ZNF804B: variants seen among roughly 807,000 people sequenced by gnomAD.
ZNF804B encodes the protein zinc finger 804B.
Under a neutral mutation model 101.4 loss-of-function variants are expected in ZNF804B, and 80 were observed. That is an observed-to-expected ratio of 0.79 (90% CI 0.66 to 0.95). The LOEUF (loss-of-function observed/expected upper bound fraction) is 0.95, where lower values mean the gene tolerates loss of function less well. ZNF804B is among the 40% of genes least tolerant of loss of function. The pLI is 0.00. For synonymous variants in ZNF804B, 622 were observed against 558.8 expected (o/e 1.11, Z -1.59); for missense variants, 1,673 against 1,561.9 (o/e 1.07, Z -1.20).
chr7:89,021,131 A>C (rs988921583), intron 1 of ZNF804B, among the ~76,000 whole-genome samples: 3 of 152,154 alleles, frequency 2.0e-5, no homozygotes, highest in African/African-American at 7.2e-5. Context: ...ACTTATTTCT[A>C]TAGATGGTCT....
chr7:88,791,585 C>A (rs574124305), intron 1 of ZNF804B, among the ~76,000 whole-genome samples: 1 of 152,098 alleles, frequency 6.6e-6, no homozygotes, highest in East Asian at 1.9e-4. Context: ...GTATTATAGA[C>A]CCATAAAAAA....
At chr7:88,966,756 A>G (rs574802574) in intron 1 of ZNF804B, among the ~76,000 whole-genome samples, 81 of 151,388 alleles carry the variant, frequency 5.4e-4, no homozygotes, top group African/African-American at 1.9e-3. Flanking sequence ...AGACACACAC[A>G]TACATACACA....
chr7:89,117,073 G>A (rs1243596457), intron 1 of ZNF804B, among the ~76,000 whole-genome samples: 1 of 152,130 alleles, frequency 6.6e-6, no homozygotes, highest in East Asian at 1.9e-4. Flanking sequence ...TTGAAAATTG[G>A]ATGATGTGCC....
At chr7:88,840,411 T>C (rs1722866406) in intron 1 of ZNF804B, among the ~76,000 whole-genome samples, 1 of 152,182 alleles carries the variant, frequency 6.6e-6, no homozygotes, top group Non-Finnish European at 1.5e-5. Flanking sequence ...AGAGTAACAA[T>C]ATCTAGCCTT....
intron 2 of ZNF804B, among the ~76,000 whole-genome samples, chr7:89,264,188 A>C (rs1309539163): frequency 1.3e-5 from 2 of 152,158 alleles, no homozygotes; most frequent in African/African-American, 2.4e-5. Flanking sequence ...CTTTACCAAC[A>C]AACGTCTTTG....
At chr7:89,062,368 A>G (rs1238171930) in intron 1 of ZNF804B, among the ~76,000 whole-genome samples, 4 of 151,000 alleles carry the variant, frequency 2.6e-5, no homozygotes, top group African/African-American at 9.8e-5. Flanking sequence ...CATTTTTACC[A>G]CTCCCAAACC....
chr7:89,093,954 C>T (rs1240394848), intron 1 of ZNF804B, among the ~76,000 whole-genome samples: 1 of 152,132 alleles, frequency 6.6e-6, no homozygotes, highest in Non-Finnish European at 1.5e-5. Flanking sequence ...GGCAGCTTAC[C>T]CTGAGTTCAC....
chr7:88,870,604 C>G (rs1203838335), intron 1 of ZNF804B, among the ~76,000 whole-genome samples: 1 of 151,998 alleles, frequency 6.6e-6, no homozygotes, highest in Non-Finnish European at 1.5e-5. Context: ...ACCTAAGTCA[C>G]TTTCAGAGGT....
chr7:89,106,237 G>A (rs899086062), intron 1 of ZNF804B, among the ~76,000 whole-genome samples: 4 of 152,118 alleles, frequency 2.6e-5, no homozygotes, highest in African/African-American at 9.7e-5. Context: ...AAAGATTTGT[G>A]ATATATCACT....
rs74404937 is a variant in ZNF804B, at chr7:88,932,431, A to C, written c.108+172347A>C. 3.0e-3 allele frequency among the ~76,000 whole-genome samples: 452 copies of C among 152,112 alleles called. 4 individuals carry two copies. The highest frequency in any genetic ancestry group is 0.01 in the African/African-American group (431 of 41,554). On this transcript the variant is annotated intron_variant, in intron 1 of 3. Transcript: ENST00000333190. Reference sequence around the variant, plus strand: ...AAAATAAATGAAATTGAAACAAAAAAAATACAAAAGATAAATGAAACAAAA... The same window carrying C: ...AAAATAAATGAAATTGAAACAAAAACAATACAAAAGATAAATGAAACAAAA...
In ZNF804B at chr7:89,240,565, C is replaced by T. The variant is rs1789352737; in HGVS notation, c.249+22270C>T. ...TTTATGATTTAGAAATGAATTCCCT[C>T]CTTACTTGACCTCTTGCTTGATTTA... is the stretch of plus-strand genomic sequence containing the variant. On this transcript the variant is annotated intron_variant, in intron 2 of 3. Coordinates refer to ENST00000333190, the MANE Select transcript of ZNF804B (RefSeq NM_181646.5). 2.0e-5 allele frequency among the ~76,000 whole-genome samples: 3 copies of T among 152,184 alleles called. No individual in the cohort carries two copies. The South Asian group carries it at 6.2e-4, about 32-fold the overall frequency.
In ZNF804B at chr7:88,793,664, A is replaced by G. The variant is rs142051800; in HGVS notation, c.108+33580A>G. The stretch of plus-strand genomic sequence containing the variant: ...TACTTGTGCTCTCAAAGCCCTTCCT[A>G]TATACTGCTACTATAATGATATATT... On this transcript the variant is annotated intron_variant, in intron 1 of 3. Coordinates refer to ENST00000333190, the MANE Select transcript of ZNF804B (RefSeq NM_181646.5). 8.0e-4 allele frequency among the ~76,000 whole-genome samples: 121 copies of G among 152,176 alleles called. 1 individual carries two copies. The South Asian group carries it at 0.025, about 31-fold the overall frequency.
intron 1 of ZNF804B, among the ~76,000 whole-genome samples, chr7:88,935,990 C>T (rs1336586850): frequency 1.3e-5 from 2 of 149,056 alleles, no homozygotes; most frequent in Non-Finnish European, 3.0e-5. Context: ...CTCTTTCTCC[C>T]TCCCTTCCTC....
intron 2 of ZNF804B, among the ~76,000 whole-genome samples, chr7:89,277,812 G>C (rs757689451): frequency 2.4e-4 from 37 of 151,830 alleles, no homozygotes; most frequent in Non-Finnish European, 4.4e-4. Context: ...ATAAACATAC[G>C]TGTGCATGTG....
intron 1 of ZNF804B, among the ~76,000 whole-genome samples, chr7:89,051,718 T>C (rs1402773086): frequency 6.6e-6 from 1 of 152,176 alleles, no homozygotes; most frequent in Non-Finnish European, 1.5e-5. Flanking sequence ...TATAAATTTA[T>C]GAGTTTCCTT....
At chr7:88,789,133 C>T (rs545982134) in intron 1 of ZNF804B, among the ~76,000 whole-genome samples, 1 of 152,120 alleles carries the variant, frequency 6.6e-6, no homozygotes, top group African/African-American at 2.4e-5. Context: ...TAAAATGTAT[C>T]AAAGTTGGTC....
chr7:89,312,351 C>T (rs1012084287), intron 2 of ZNF804B, among the ~76,000 whole-genome samples: 3 of 152,124 alleles, frequency 2.0e-5, no homozygotes, highest in African/African-American at 7.2e-5. Context: ...AATGGCTGAC[C>T]ATCAGCAATT....
chr7:88,913,469 A>T (rs193083870), intron 1 of ZNF804B, among the ~76,000 whole-genome samples: 1 of 152,266 alleles, frequency 6.6e-6, no homozygotes, highest in East Asian at 1.9e-4. Context: ...ATCTTGGCTT[A>T]CTGCAACCTC....
At chr7:89,123,890 G>A (rs916872438) in intron 1 of ZNF804B, among the ~76,000 whole-genome samples, 1 of 152,120 alleles carries the variant, frequency 6.6e-6, no homozygotes, top group Admixed American at 6.6e-5. Context: ...ATTTATATAA[G>A]ACTTTCATTT....
Sources: gnomAD v4.1 joint callset for allele counts (sites outside exome capture counted in the v4.1 genomes callset) on GRCh38, gnomAD v4.1.1 for gene constraint, MANE v1.5 for transcripts, NCBI Gene and HGNC (gene_info 2026-07-23, HGNC 2026-07-21) for gene names.